SETX: variants seen among roughly 807,000 people sequenced by gnomAD.
SETX encodes senataxin, also known as helicase senataxin.
Under a neutral mutation model 227.2 loss-of-function variants are expected in SETX, and 90 were observed. The ratio of observed to expected loss-of-function variants is 0.40; its 90% CI spans 0.33 to 0.47. SETX has a LOEUF of 0.47. Among genes scored for constraint, SETX ranks in the 20% least tolerant of loss-of-function variants. The pLI, the probability that SETX is intolerant of heterozygous loss-of-function variation, is 0.91. For synonymous variants in SETX, 1,210 were observed against 1,113.2 expected (o/e 1.09, Z -1.73); for missense variants, 3,052 against 3,181.5 (o/e 0.96, Z 0.98).
chr9:132,346,273 G>T lies in SETX; in HGVS notation c.376C>A (p.His126Asn), dbSNP rs1198292384. The T allele has an allele frequency of 6.2e-7, 1 of 1,612,866 alleles. No homozygotes were observed. Among genetic ancestry groups the T allele is most frequent in the Non-Finnish European group, 8.5e-7 (1 of 1,179,082 alleles). Residue 126 changes from histidine (H) to asparagine (N), a missense_variant, in exon 4 of 26, where the codon CAT becomes AAT. By Grantham distance (68) the His-to-Asn change is moderately conservative. Transcript: ENST00000224140. ...EILKYPYLLL[H>N]ERVNELCVEA... ...TCAAGATACTCACTAACACGTTCAT[G>T]TAGAAGCAAGTAAGGATATTTCAGT...
intron 10 of SETX, among the ~76,000 whole-genome samples, chr9:132,324,877 C>G (rs536523321): frequency 2.0e-5 from 3 of 152,180 alleles, no homozygotes; most frequent in African/African-American, 7.2e-5. Flanking sequence ...GCCTTGAAAA[C>G]ACACACACAA....
At chr9:132,310,915 A>G (rs570206845) in intron 11 of SETX, among the ~76,000 whole-genome samples, 1 of 152,268 alleles carries the variant, frequency 6.6e-6, no homozygotes, top group East Asian at 1.9e-4. Flanking sequence ...CTTTAGCTTT[A>G]TTGTAAGAAT....
intron 3 of SETX, 125 bp from the exon 4 acceptor site, chr9:132,346,596 T>C (rs1285631557): frequency 1.6e-5 from 11 of 709,626 alleles, no homozygotes; most frequent in Admixed American, 1.5e-4. Flanking sequence ...TTAGAGCTTG[T>C]ATTTTAGATT....
At position 132,334,275 on chromosome 9, in the gene SETX, G is replaced by A. The variant is rs79117874; in HGVS notation, c.838+333C>T. ...AGCCTGACCAACGTGGTGAAACCCC[G>A]TCTCTACTAAAAATACAAAAAAATT... is the stretch of plus-strand genomic sequence containing the variant. On this transcript the variant is annotated intron_variant, in intron 7 of 25. Transcript: ENST00000224140. Among the ~76,000 whole-genome samples, 14,540 of 152,096 alleles carry A rather than the reference G, an allele frequency of 0.096. 796 individuals are homozygous for A. Among genetic ancestry groups the A allele is most frequent in the East Asian group, 0.24 (1,226 of 5,178 alleles).
Position 132,327,328 on chromosome 9 carries a change from T to C in SETX, c.4270A>G (p.Ile1424Val), listed in dbSNP as rs757978377. The C allele has an allele frequency of 3.7e-6, 6 of 1,614,112 alleles. No individual in the cohort carries two copies. The Middle Eastern group carries it at 4.9e-4, about 133-fold the overall frequency. Residue 1424 changes from isoleucine (I) to valine (V), a missense_variant, in exon 10 of 26, where the codon ATA becomes GTA. Around this residue, in one of 10 missense-constraint regions of SETX, gnomAD observed 1,483 missense variants for 1,312.0 expected, o/e 1.13. Coordinates refer to ENST00000224140, the MANE Select transcript of SETX (RefSeq NM_015046.7). ...GCTGGAGACCCATGTTTTGCTTTTA[T>C]GGTTTCTGGTTCAGAAGGCATGCAT... ...IKCMPSEPET[I>V]KAKHGSPATD...
intron 15 of SETX, among the ~76,000 whole-genome samples, chr9:132,289,029 T>C (rs1394184506): frequency 6.6e-6 from 1 of 152,182 alleles, no homozygotes; most frequent in Non-Finnish European, 1.5e-5. Context: ...TTCTCTCATG[T>C]TGGGGAAAGG....
intron 5 of SETX, among the ~76,000 whole-genome samples, chr9:132,337,833 T>C (rs1372636251): frequency 6.6e-6 from 1 of 152,202 alleles, no homozygotes; most frequent in Admixed American, 6.5e-5. Context: ...TTAGGAGATC[T>C]TGATGAAATG....
chr9:132,283,063 CCCAATACTGGAAAA>C lies in SETX; in HGVS notation c.6546+187_6546+200del, dbSNP rs1843632742. On this transcript the variant is annotated intron_variant, in intron 19 of 25. Transcript: ENST00000224140. ...CCATCAGTCATCCTCAAGACTAACCCCCAATACTGGAAAATCCACTTTCACTATGGAGGGTCATT... is the reference window on the plus strand; with the variant it reads ...CCATCAGTCATCCTCAAGACTAACCCTCCACTTTCACTATGGAGGGTCATT... 8 of 645,316 alleles carry C rather than the reference CCCAATACTGGAAAA, an allele frequency of 1.2e-5. No individual in the cohort carries two copies. The East Asian group carries it at 2.3e-4, about 19-fold the overall frequency. The allele number at this position is 645,316 out of a possible 1,614,324, so 40.0% of individuals were successfully genotyped here.
rs1250305543 is a variant in SETX at position 132,268,915 on chromosome 9, C to T, written c.7287+700G>A. ...AAACAAGAAAGAAGGTGTATCTGAG[C>T]GCCACCTGGTGGCAGGAACCAAAAC... On this transcript the variant is annotated intron_variant, in intron 25 of 25. Transcript: ENST00000224140. Among the ~76,000 whole-genome samples the T allele has an allele frequency of 2.0e-5, 3 of 152,168 alleles. No individual in the cohort carries two copies. The East Asian group carries it at 5.8e-4, about 29-fold the overall frequency.
At position 132,333,408 on chromosome 9, in the gene SETX, AAT is replaced by A. The variant is rs773749543; in HGVS notation, c.838+1198_838+1199del. The stretch of plus-strand genomic sequence containing the variant: ...GAAAAAAAAAAAAAAGAAAAAAAAA[AAT>A]ATATATACACACACACACACACACA... On this transcript the variant is annotated intron_variant, in intron 7 of 25. Transcript: ENST00000224140. Among the ~76,000 whole-genome samples the A allele has an allele frequency of 3.9e-4, 28 of 72,214 alleles. 1 individual carries two copies. Among genetic ancestry groups the A allele is most frequent in the African/African-American group, 4.8e-4 (8 of 16,776 alleles). The allele number at this position is 72,214 out of a possible 152,430, so 47.4% of individuals were successfully genotyped here. A position where few individuals can be genotyped will look rare whatever the true frequency, so the allele number is the denominator to read the frequency against.
At position 132,263,641 on chromosome 9, in the gene SETX, A is replaced by C. The variant is rs1842489598; in HGVS notation, c.*598T>G. On this transcript the variant is annotated 3_prime_UTR_variant, in exon 26 of 26. Coordinates refer to ENST00000224140, the MANE Select transcript of SETX (RefSeq NM_015046.7). ...TTTACCTAACATAACCGTGCTGCCC[A>C]AAGTGTCCCCTAGGAGACTCCAGGT... The C allele has an allele frequency of 6.5e-6, 1 of 153,172 alleles. No homozygotes were observed. Among genetic ancestry groups the C allele is most frequent in the African/African-American group, 2.4e-5 (1 of 41,402 alleles). 9.5% of individuals were successfully genotyped at this position (153,172 alleles called of 1,614,324 possible). A position where few individuals can be genotyped will look rare whatever the true frequency, so the allele number is the denominator to read the frequency against.
At chr9:132,270,832 A>C (rs1455873536) in intron 24 of SETX, among the ~76,000 whole-genome samples, 1 of 152,238 alleles carries the variant, frequency 6.6e-6, no homozygotes, top group Non-Finnish European at 1.5e-5. Context: ...AATAGAATTG[A>C]TGTATGATAA....
chr9:132,269,199 G>A lies in SETX; in HGVS notation c.7287+416C>T, dbSNP rs117259703. 9.4e-3 allele frequency among the ~76,000 whole-genome samples: 1,437 copies of A among 152,378 alleles called. 12 individuals are homozygous for A. Among genetic ancestry groups the A allele is most frequent in the Admixed American group, 0.016 (247 of 15,308 alleles). On this transcript the variant is annotated intron_variant, in intron 25 of 25. Transcript: ENST00000224140. Reference sequence around the variant, plus strand: ...AAGTGCTGGAGAAACAGAGTGAGCAGCACAGCTCCCAGTGCCAGCAGAAAA... The same window carrying A: ...AAGTGCTGGAGAAACAGAGTGAGCAACACAGCTCCCAGTGCCAGCAGAAAA...
intron 1 of SETX, among the ~76,000 whole-genome samples, chr9:132,354,507 A>G (rs574215146): frequency 1.3e-5 from 2 of 151,510 alleles, no homozygotes; most frequent in East Asian, 1.9e-4. Context: ...AAAAAAAAAA[A>G]AAAAGAAAAA....
At chr9:132,286,151 C>T (rs1843870178) in intron 18 of SETX, among the ~76,000 whole-genome samples, 1 of 148,890 alleles carries the variant, frequency 6.7e-6, no homozygotes, top group African/African-American at 2.5e-5. Context: ...CCACTATACT[C>T]CAGTCTGGTG....
intron 3 of SETX, 69 bp downstream of exon 3, chr9:132,349,183 C>T (rs933327415): frequency 4.0e-5 from 57 of 1,412,220 alleles, no homozygotes; most frequent in South Asian, 1.2e-4. Flanking sequence ...ATACTTCCAA[C>T]GGAGTTCAAA....
chr9:132,339,118 C>A (rs1341008267), intron 5 of SETX, among the ~76,000 whole-genome samples: 4 of 152,118 alleles, frequency 2.6e-5, no homozygotes, highest in Non-Finnish European at 5.9e-5. Context: ...TTTTGATAAA[C>A]AATAACTTTT....
chr9:132,316,981 G>A (rs1846007365), intron 10 of SETX, among the ~76,000 whole-genome samples: 1 of 152,022 alleles, frequency 6.6e-6, no homozygotes, highest in South Asian at 2.1e-4. Context: ...AATCCTGCTG[G>A]GATTTTAACT....
chr9:132,347,668 T>C (rs1564569869), intron 3 of SETX, among the ~76,000 whole-genome samples: 1 of 149,650 alleles, frequency 6.7e-6, no homozygotes, highest in Non-Finnish European at 1.5e-5. Flanking sequence ...ATCAACTACA[T>C]TCAAAAAAAA....
Sources: gnomAD v4.1 joint callset for allele counts (sites outside exome capture counted in the v4.1 genomes callset) on GRCh38, gnomAD v4.1.1 for gene constraint, gnomAD v4.1.1 regional missense constraint, MANE v1.5 for transcripts, NCBI Gene and HGNC (gene_info 2026-07-23, HGNC 2026-07-21) for gene names.